Variants in SRP54 observed in about 807,000 individuals in gnomAD.
SRP54 encodes signal recognition particle 54.
In SRP54, 10 loss-of-function variants were observed where a neutral mutation model predicts 64.8. The ratio of observed to expected loss-of-function variants is 0.15; its 90% CI spans 0.10 to 0.26. SRP54 has a LOEUF of 0.26. SRP54 is among the 10% of genes least tolerant of loss of function. The pLI is 1.00. For missense variants in SRP54, 325 were observed against 613.7 expected (o/e 0.53, Z 4.97); for synonymous variants, 193 against 185.6 (o/e 1.04, Z -0.32).
intron 4 of SRP54, among the ~76,000 whole-genome samples, chr14:35,005,545 G>A (rs765831713): frequency 1.3e-5 from 2 of 151,834 alleles, no homozygotes; most frequent in East Asian, 1.9e-4. Flanking sequence ...CCACAGGTGC[G>A]TGCCACCACA....
chr14:35,019,301 G>A, intron 13 of SRP54: 1 of 348,946 alleles, frequency 2.9e-6, no homozygotes, highest in South Asian at 3.7e-5. Flanking sequence ...TGAGTTACAA[G>A]GAAAGAACAC....
intron 1 of SRP54, among the ~76,000 whole-genome samples, chr14:34,992,568 T>G (rs1014192505): frequency 6.6e-6 from 1 of 152,144 alleles, no homozygotes; most frequent in Non-Finnish European, 1.5e-5. Flanking sequence ...ATGTTCTCAC[T>G]TATAAGTGAG....
chr14:35,013,521 C>G, intron 9 of SRP54, 27 bp downstream of exon 9: 2 of 1,608,886 alleles, frequency 1.2e-6, no homozygotes, highest in Non-Finnish European at 1.7e-6. Flanking sequence ...CTGTTGTCCT[C>G]TGTCTTGGGA....
At chr14:35,002,308 T>C (rs1234923273) in intron 4 of SRP54, among the ~76,000 whole-genome samples, 1 of 152,144 alleles carries the variant, frequency 6.6e-6, no homozygotes, top group Non-Finnish European at 1.5e-5. Flanking sequence ...GAGCCGTGAT[T>C]GTGCCACTGC....
rs373410464 is a variant in SRP54 at position 34,996,773 on chromosome 14, A to G, written c.64A>G (p.Ile22Val). 8 of 1,610,118 alleles carry G rather than the reference A, an allele frequency of 5.0e-6. No individual in the cohort carries two copies. Among genetic ancestry groups the G allele is most frequent in the Admixed American group, 1.7e-5 (1 of 60,004 alleles). Residue 22 changes from isoleucine to valine, a missense_variant, in exon 2 of 16, where the codon ATT (isoleucine) becomes GTT (valine). By Grantham distance (29) the Ile-to-Val change is conservative (BLOSUM62 3). Transcript: ENST00000216774. The part of the protein sequence containing the change: ...SALRSLSNAT[I>V]INEEVLNAML... ...ATTACGCTCGTTGAGCAATGCCACC[A>G]TTATCAATGAAGAGGTATGTAAAAT...
chr14:35,026,968 T>G (rs918017749), intron 14 of SRP54, among the ~76,000 whole-genome samples: 2 of 151,658 alleles, frequency 1.3e-5, no homozygotes, highest in African/African-American at 2.4e-5. Context: ...CAAAAAAAAC[T>G]TCTTAGATAC....
Position 35,014,843 on chromosome 14 carries a change from C to G in SRP54, c.973+13C>G, listed in dbSNP as rs753434952. The G allele has an allele frequency of 2.2e-5, 34 of 1,568,424 alleles. No individual in the cohort carries two copies. The Middle Eastern group carries it at 3.6e-3, about 165-fold the overall frequency. The stretch of plus-strand genomic sequence containing the variant: ...AAGTTGAAACATGGTATATGAGTGA[C>G]AAAAAAGCACTTCATCTCAGATTTC... On this transcript the variant is annotated intron_variant, in intron 11 of 15. Coordinates refer to ENST00000216774, the MANE Select transcript of SRP54 (RefSeq NM_003136.4).
At chr14:34,986,052 G>A (rs970097166) in intron 1 of SRP54, among the ~76,000 whole-genome samples, 6 of 151,552 alleles carry the variant, frequency 4.0e-5, no homozygotes, top group African/African-American at 1.5e-4. Context: ...TCTTTTTATG[G>A]TTGACCTCAT....
chr14:35,024,855 T>C (rs2044596116), intron 14 of SRP54, among the ~76,000 whole-genome samples: 1 of 151,892 alleles, frequency 6.6e-6, no homozygotes, highest in African/African-American at 2.4e-5. Context: ...GTCTCCCGAG[T>C]AGCTGGGATT....
In SRP54 at chr14:34,996,689, G is replaced by C. The variant is rs1435415067; in HGVS notation, c.-21G>C. The C allele has an allele frequency of 3.8e-6, 6 of 1,585,700 alleles. No homozygotes were observed. Among genetic ancestry groups the C allele is most frequent in the African/African-American group, 2.7e-5 (2 of 74,334 alleles). The stretch of plus-strand genomic sequence containing the variant: ...TTTTCTGCTGTAGAGTTCTTCGTAA[G>C]TACATCTTAAAGCTGTCAAGATGGT... On this transcript the variant is annotated 5_prime_UTR_variant, in exon 2 of 16. Transcript: ENST00000216774.
chr14:35,020,730 A>G (rs2044516190), intron 13 of SRP54, among the ~76,000 whole-genome samples: 1 of 152,220 alleles, frequency 6.6e-6, no homozygotes, highest in Non-Finnish European at 1.5e-5. Context: ...TAATTGCAGC[A>G]TATCTAAAGT....
chr14:34,994,486 C>T (rs951944170), intron 1 of SRP54, among the ~76,000 whole-genome samples: 1 of 152,066 alleles, frequency 6.6e-6, no homozygotes, highest in African/African-American at 2.4e-5. Context: ...TTTTTAGAGC[C>T]CTTTGAAATC....
At chr14:35,010,147 A>T (rs1052970982) in intron 7 of SRP54, among the ~76,000 whole-genome samples, 6 of 147,916 alleles carry the variant, frequency 4.1e-5, no homozygotes, top group Non-Finnish European at 7.5e-5. Flanking sequence ...GACACCGTTT[A>T]AAAAAAAAAA....
intron 1 of SRP54, among the ~76,000 whole-genome samples, chr14:34,992,291 T>C (rs1470247534): frequency 6.6e-6 from 1 of 151,936 alleles, no homozygotes; most frequent in African/African-American, 2.4e-5. Flanking sequence ...TAATAAAATA[T>C]ATTTTTTAAA....
intron 14 of SRP54, 72 bp from the exon 15 acceptor site, chr14:35,028,016 C>A (rs1950186): frequency 3.4e-6 from 3 of 873,324 alleles, no homozygotes; most frequent in South Asian, 4.8e-5. Flanking sequence ...ATCAAACTTT[C>A]TATTATACCC....
chr14:34,999,733 A>G (rs2044140534), intron 3 of SRP54, 84 bp downstream of exon 3: 2 of 978,038 alleles, frequency 2.0e-6, no homozygotes, highest in Non-Finnish European at 3.2e-6. Context: ...TGTTTGCTGT[A>G]TCAGGAATCA....
chr14:35,000,903 TCCCCA>T, intron 3 of SRP54, 28 bp from the exon 4 acceptor site: 1 of 1,301,398 alleles, frequency 7.7e-7, no homozygotes, highest in Non-Finnish European at 1.1e-6. Context: ...GATTTTCTCC[TCCCCA>T]CCCCAATCAC....
At chr14:34,993,446 A>G (rs1200268427) in intron 1 of SRP54, 3 of 152,128 alleles carry the variant, frequency 2.0e-5, no homozygotes, top group Non-Finnish European at 4.4e-5. Context: ...TCTTATGGTA[A>G]GCAATTTTTT....
intron 1 of SRP54, among the ~76,000 whole-genome samples, chr14:34,984,780 G>C (rs2138952766): frequency 6.6e-6 from 1 of 152,226 alleles, no homozygotes; most frequent in South Asian, 2.1e-4. Flanking sequence ...GGGATTACAG[G>C]TGTGAGCCAC....
Sources: allele counts gnomAD v4.1 joint callset (sites outside exome capture counted in the v4.1 genomes callset), GRCh38; gene constraint gnomAD v4.1.1; transcripts MANE v1.5; gene names NCBI Gene and HGNC (gene_info 2026-07-23, HGNC 2026-07-21).